TFB1M: variants seen among roughly 807,000 people sequenced by gnomAD.
TFB1M encodes the protein dimethyladenosine transferase 1, mitochondrial.
In TFB1M, 27 loss-of-function variants were observed where a neutral mutation model predicts 31.1. The ratio of observed to expected loss-of-function variants is 0.87; its 90% CI spans 0.64 to 1.20. The LOEUF is 1.20. Among genes scored for constraint, TFB1M ranks in the 50% most tolerant of loss-of-function variants. The probability of loss-of-function intolerance (pLI) is 0.00; values close to 1 mark genes in which losing one functional copy is unlikely to be tolerated. For synonymous variants in TFB1M, 166 were observed against 151.8 expected (o/e 1.09, Z -0.69); for missense variants, 394 against 418.7 (o/e 0.94, Z 0.51).
chr6:155,243,846 C>CAAAAA, the TFB1M span, among the ~76,000 whole-genome samples: 21 of 55,050 alleles, frequency 3.8e-4, no homozygotes, highest in Non-Finnish European at 4.8e-4. Context: ...GACTCCGTCT[C>CAAAAA]AAAAAAAAAA....
chr6:155,231,171 T>C, the TFB1M span, among the ~76,000 whole-genome samples: 91 of 152,250 alleles, frequency 6.0e-4, no homozygotes, highest in Non-Finnish European at 9.7e-4. Flanking sequence ...GTAAATCACG[T>C]CCTTCTCTTC....
At chr6:155,238,630 C>T in the TFB1M span, among the ~76,000 whole-genome samples, 4 of 152,358 alleles carry the variant, frequency 2.6e-5, no homozygotes, top group Admixed American at 1.3e-4. Flanking sequence ...TCCCTTGGAG[C>T]AGGCTCCCTC....
chr6:155,269,319 CTTTTCTTTTT>C (rs569435905), intron 5 of TFB1M, among the ~76,000 whole-genome samples: 25 of 98,030 alleles, frequency 2.6e-4, no homozygotes, highest in Non-Finnish European at 5.0e-4. Flanking sequence ...CTTTTCTTTT[CTTTTCTTTTT>C]TTTTTTTTTT....
the TFB1M span, chr6:155,244,022 C>T: frequency 6.2e-7 from 1 of 1,614,040 alleles, no homozygotes; most frequent in Non-Finnish European, 8.5e-7. Context: ...ATTTGAGCTG[C>T]CTCTTTGAAT....
Position 155,295,149 on chromosome 6 carries a change from G to A in TFB1M, c.546+1804C>T, listed in dbSNP as rs995014159. ...TGGGAGGCTGAGGCGGGTGGATCACGAGGTCAGGAGATGGAGACCATCCTG... is the reference window on the plus strand; with the variant it reads ...TGGGAGGCTGAGGCGGGTGGATCACAAGGTCAGGAGATGGAGACCATCCTG... On this transcript the variant is annotated intron_variant, in intron 4 of 6. Coordinates refer to ENST00000367166, the MANE Select transcript of TFB1M (RefSeq NM_016020.4). Among the ~76,000 whole-genome samples, 7 of 152,114 alleles carry A rather than the reference G, an allele frequency of 4.6e-5. No homozygotes were observed. The South Asian group carries it at 8.3e-4, about 18-fold the overall frequency.
At position 155,257,768 on chromosome 6, in the gene TFB1M, G is replaced by A. The variant is rs1234538588; in HGVS notation, c.*68C>T. ...ATCGTCATTCTGTAAAGACAAAAGA[G>A]TACCTATATAAGAAGCTCCACGTAG... On this transcript the variant is annotated 3_prime_UTR_variant, in exon 7 of 7. Transcript: ENST00000367166. 1.3e-6 allele frequency: 2 copies of A among 1,587,530 alleles called. No homozygotes were observed. The highest frequency in any genetic ancestry group is 1.7e-5 in the Admixed American group (1 of 57,312).
Position 155,256,536 on chromosome 6 carries a change from C to T in TFB1M, c.*1300G>A, listed in dbSNP as rs200709210. On this transcript the variant is annotated 3_prime_UTR_variant, in exon 7 of 7. Transcript: ENST00000367166. ...AGAATTCCTCCAGCAACGAGTGGAC[C>T]GGTGAGACTGGCAAGGGAACCTTGC... is the stretch of plus-strand genomic sequence containing the variant. The T allele has an allele frequency of 6.3e-5, 101 of 1,614,068 alleles. No individual in the cohort carries two copies. Among genetic ancestry groups the T allele is most frequent in the South Asian group, 1.3e-4 (12 of 91,082 alleles).
Position 155,314,371 on chromosome 6 carries a change from C to T in TFB1M, c.58G>A (p.Glu20Lys). 1 of 1,614,246 alleles carries T rather than the reference C, an allele frequency of 6.2e-7. No homozygotes were observed. Among genetic ancestry groups the T allele is most frequent in the East Asian group, 2.2e-5 (1 of 44,880 alleles). Residue 20 changes from glutamate (E) to lysine (K), a missense_variant, in exon 1 of 7, where the codon GAA becomes AAA. This residue lies in a region of TFB1M where 273 missense variants were observed against 256.4 expected (regional missense o/e 1.06). Transcript: ENST00000367166. The stretch of plus-strand genomic sequence containing the variant: ...TGCAGTCTTAACAACTTAATGATTT[C>T]TCGAATCGTGGGCAACGGAGGGAGA... Reference protein sequence around the residue: ...CRLPPLPTIREIIKLLRLQAA... With the variant: ...CRLPPLPTIRKIIKLLRLQAA...
Position 155,257,900 on chromosome 6 carries a change from A to AGTT in TFB1M, c.974_976dup (p.Glu325_Leu326insGln), listed in dbSNP as rs761967105. On this transcript the variant is annotated inframe_insertion, in exon 7 of 7. Transcript: ENST00000367166. ...TTCATTTTTGCTTTTTCTTCGCTTG[A>AGTT]GTTCTTCTCTGAAATTATATGCAAA... 6.2e-7 allele frequency: 1 copy of AGTT among 1,614,104 alleles called. No homozygotes were observed. The highest frequency in any genetic ancestry group is 8.5e-7 in the Non-Finnish European group (1 of 1,179,990).
chr6:155,239,468 A>G, the TFB1M span, among the ~76,000 whole-genome samples: 27 of 152,200 alleles, frequency 1.8e-4, no homozygotes, highest in Non-Finnish European at 1.0e-4. Context: ...GGTGGAATGG[A>G]AAGAATGAGA....
rs191779342 is a variant in TFB1M at position 155,266,778 on chromosome 6, C to T, written c.667-6378G>A. Among the ~76,000 whole-genome samples the T allele has an allele frequency of 4.2e-4, 54 of 127,848 alleles. No individual in the cohort carries two copies. The East Asian group carries it at 0.011, about 27-fold the overall frequency. The allele number at this position is 127,848 out of a possible 152,430, so 83.9% of individuals were successfully genotyped here. On this transcript the variant is annotated intron_variant, in intron 5 of 6. Transcript: ENST00000367166. ...AGGAGAATGGCGTGAGCCTGGGAGG[C>T]GGAGCTTGCAGTGAGCTGAGATCGT...
Position 155,286,549 on chromosome 6 carries a change from G to A in TFB1M, c.547-1272C>T, listed in dbSNP as rs573948326. ...TGTATATATATACATGTGTATATAT[G>A]TGTGTATATATATGTATATATATAC... On this transcript the variant is annotated intron_variant, in intron 4 of 6. Transcript: ENST00000367166. Among the ~76,000 whole-genome samples, 11 of 147,552 alleles carry A rather than the reference G, an allele frequency of 7.5e-5. No individual in the cohort carries two copies. In the East Asian group the frequency reaches 2.2e-3, roughly 29 times the overall value.
At chr6:155,244,938 G>A in the TFB1M span, 1 of 984,698 alleles carries the variant, frequency 1.0e-6, no homozygotes, top group Non-Finnish European at 1.4e-6. Context: ...TCCTCTGTCA[G>A]GTGGTAAAGG....
In TFB1M at chr6:155,298,530, G is replaced by A. The variant is rs1777285300; in HGVS notation, c.341C>T (p.Thr114Ile). ...KLRIVHGDVL[T>I]FKVEKAFSES... Reference sequence around the variant, plus strand: ...TGAAAAAGCCTTTTCTACCTTAAATGTCAAGACATCTCCATGAACAATTCT... The same window carrying A: ...TGAAAAAGCCTTTTCTACCTTAAATATCAAGACATCTCCATGAACAATTCT... Residue 114 changes from threonine to isoleucine, a missense_variant, in exon 3 of 7, where the codon ACA becomes ATA. Physicochemically the swap from Thr to Ile is moderately conservative, Grantham distance 89. Coordinates refer to ENST00000367166, the MANE Select transcript of TFB1M (RefSeq NM_016020.4). 1 of 1,613,410 alleles carries A rather than the reference G, an allele frequency of 6.2e-7. No individual in the cohort carries two copies. Among genetic ancestry groups the A allele is most frequent in the South Asian group, 1.1e-5 (1 of 91,084 alleles).
the TFB1M span, among the ~76,000 whole-genome samples, chr6:155,241,366 C>T: frequency 4.6e-5 from 7 of 152,300 alleles, no homozygotes; most frequent in South Asian, 8.3e-4. Flanking sequence ...ATTTGAAGCT[C>T]GCTTCATTTG....
the TFB1M span, among the ~76,000 whole-genome samples, chr6:155,241,614 T>G: frequency 8.0e-4 from 122 of 152,344 alleles, no homozygotes; most frequent in African/African-American, 2.8e-3. Context: ...TTCCCCCTTT[T>G]GTTGATGTCG....
intron 4 of TFB1M, among the ~76,000 whole-genome samples, chr6:155,295,640 T>G (rs1459108311): frequency 2.6e-5 from 4 of 152,152 alleles, no homozygotes; most frequent in African/African-American, 7.2e-5. Flanking sequence ...GTCATCCATG[T>G]ACATTATACA....
At chr6:155,274,956 C>T (rs1785099934) in intron 5 of TFB1M, among the ~76,000 whole-genome samples, 1 of 152,150 alleles carries the variant, frequency 6.6e-6, no homozygotes, top group Non-Finnish European at 1.5e-5. Context: ...TGGTGGCTCA[C>T]GCCTGTAATC....
chr6:155,248,335 A>G, the TFB1M span, among the ~76,000 whole-genome samples: 1 of 152,242 alleles, frequency 6.6e-6, no homozygotes, highest in Admixed American at 6.5e-5. Context: ...GTTTCACGTG[A>G]ATATGTGAAA....
Sources: allele counts gnomAD v4.1 joint callset (sites outside exome capture counted in the v4.1 genomes callset), GRCh38; gene constraint gnomAD v4.1.1; regional missense constraint gnomAD v4.1.1; transcripts MANE v1.5; gene names NCBI Gene and HGNC (gene_info 2026-07-23, HGNC 2026-07-21).